The following TRDN variants were observed in gnomAD, a reference collection of about 807,000 sequenced individuals.
The protein encoded by TRDN is triadin.
Under a neutral mutation model 149.7 loss-of-function variants are expected in TRDN, and 161 were observed. The ratio of observed to expected loss-of-function variants is 1.08; its 90% CI spans 0.95 to 1.23. TRDN has a LOEUF of 1.23. Among genes scored for constraint, TRDN ranks in the 50% most tolerant of loss-of-function variants. TRDN has a pLI of 0.00. For missense variants in TRDN, 896 were observed against 823.5 expected (o/e 1.09, Z -1.08); for synonymous variants, 294 against 250.5 (o/e 1.17, Z -1.64).
intron 1 of TRDN, among the ~76,000 whole-genome samples, chr6:123,628,880 C>T (rs183745504): frequency 3.9e-5 from 6 of 152,072 alleles, no homozygotes; most frequent in Admixed American, 3.9e-4. Flanking sequence ...AAATCTACAT[C>T]TAGGATGATA....
intron 12 of TRDN, among the ~76,000 whole-genome samples, chr6:123,398,932 A>G (rs370430783): frequency 6.6e-6 from 1 of 152,210 alleles, no homozygotes; most frequent in East Asian, 1.9e-4. Flanking sequence ...TAGTTAACAT[A>G]ATTTTGCTAG....
intron 40 of TRDN, 125 bp from the exon 41 acceptor site, chr6:123,218,865 G>A (rs1351407669): frequency 3.1e-6 from 3 of 971,610 alleles, no homozygotes; most frequent in Non-Finnish European, 4.5e-6. Flanking sequence ...CTGTTGGCAA[G>A]TTACTAAACT....
intron 13 of TRDN, 123 bp downstream of exon 13, chr6:123,393,499 AAT>A: frequency 1.2e-6 from 1 of 831,646 alleles, no homozygotes; most frequent in Non-Finnish European, 1.8e-6. Flanking sequence ...TTCATTCAAC[AAT>A]ATTTTTTTTG....
At chr6:123,597,610 A>T (rs1403852382) in intron 1 of TRDN, among the ~76,000 whole-genome samples, 1 of 152,052 alleles carries the variant, frequency 6.6e-6, no homozygotes, top group Non-Finnish European at 1.5e-5. Context: ...GTCTTTTGTT[A>T]AGAAATTGCC....
At chr6:123,388,446 A>C in intron 14 of TRDN, 76 bp downstream of exon 14, 1 of 1,473,382 alleles carries the variant, frequency 6.8e-7, no homozygotes, top group Non-Finnish European at 9.3e-7. Flanking sequence ...TAGACAGAAT[A>C]GCAGTCAAAA....
At chr6:123,304,736 A>G (rs1778548441) in intron 24 of TRDN, among the ~76,000 whole-genome samples, 1 of 152,156 alleles carries the variant, frequency 6.6e-6, no homozygotes, top group African/African-American at 2.4e-5. Flanking sequence ...AATGGACCAA[A>G]TAAAATTGTA....
At chr6:123,510,642 C>CTTTTTTTT (rs145396385) in intron 7 of TRDN, among the ~76,000 whole-genome samples, 3 of 138,482 alleles carry the variant, frequency 2.2e-5, no homozygotes, top group Non-Finnish European at 3.1e-5. Flanking sequence ...TGCATGACCA[C>CTTTTTTTT]TTTTTTTTTT....
chr6:123,620,648 C>T (rs1460541886), intron 1 of TRDN, among the ~76,000 whole-genome samples: 3 of 152,106 alleles, frequency 2.0e-5, no homozygotes, highest in Non-Finnish European at 4.4e-5. Flanking sequence ...CTTTCCACCT[C>T]AGTAAAACCT....
At chr6:123,377,206 G>A (rs1781541590) in intron 18 of TRDN, among the ~76,000 whole-genome samples, 1 of 152,118 alleles carries the variant, frequency 6.6e-6, no homozygotes, top group African/African-American at 2.4e-5. Context: ...CAACTCCCCT[G>A]AGCACTCAGG....
intron 5 of TRDN, among the ~76,000 whole-genome samples, chr6:123,526,836 T>C (rs145233946): frequency 5.1e-4 from 78 of 151,976 alleles, no homozygotes; most frequent in African/African-American, 1.6e-3. Flanking sequence ...ATACTAAAGA[T>C]AGAGAAAAAA....
intron 1 of TRDN, among the ~76,000 whole-genome samples, chr6:123,573,030 C>T (rs1412544832): frequency 2.0e-5 from 3 of 152,044 alleles, no homozygotes; most frequent in Non-Finnish European, 2.9e-5. Context: ...TAAAGTGCTT[C>T]TTTCCATCAG....
intron 13 of TRDN, among the ~76,000 whole-genome samples, chr6:123,392,554 T>C (rs997241655): frequency 8.5e-5 from 13 of 152,056 alleles, no homozygotes; most frequent in African/African-American, 3.1e-4. Context: ...AAACCAAAGG[T>C]AATAATATTT....
intron 20 of TRDN, among the ~76,000 whole-genome samples, chr6:123,357,873 C>T (rs1416170671): frequency 1.3e-5 from 2 of 152,102 alleles, no homozygotes; most frequent in Admixed American, 6.6e-5. Flanking sequence ...AGGCTAGTCC[C>T]TTAAAGTGCT....
At chr6:123,447,623 A>C (rs568033291) in intron 10 of TRDN, among the ~76,000 whole-genome samples, 1 of 152,304 alleles carries the variant, frequency 6.6e-6, no homozygotes, top group Non-Finnish European at 1.5e-5. Flanking sequence ...GAACTCAGTG[A>C]AGCTATATCA....
chr6:123,428,005 T>C (rs886099061), intron 12 of TRDN, among the ~76,000 whole-genome samples: 1 of 152,172 alleles, frequency 6.6e-6, no homozygotes, highest in African/African-American at 2.4e-5. Flanking sequence ...TGTTATTCTC[T>C]AAATAAAAAT....
chr6:123,392,710 C>T (rs913257092), intron 13 of TRDN, among the ~76,000 whole-genome samples: 3 of 151,934 alleles, frequency 2.0e-5, no homozygotes, highest in East Asian at 1.9e-4. Context: ...ACAACATCCT[C>T]GAGTCAAATG....
rs182517393 is a variant in TRDN at position 123,314,551 on chromosome 6, C to A, written c.1510+1906G>T. Among the ~76,000 whole-genome samples, 371 of 152,080 alleles carry A rather than the reference C, an allele frequency of 2.4e-3. 1 individual carries two copies. The highest frequency in any genetic ancestry group is 0.01 in the Middle Eastern group (3 of 294). On this transcript the variant is annotated intron_variant, in intron 24 of 40. Transcript: ENST00000334268. ...ATAAAGACACATGCACACATATGTT[C>A]ATTGCAGCACTATCCACAATAGCAA...
intron 19 of TRDN, among the ~76,000 whole-genome samples, chr6:123,368,036 T>C (rs1429155515): frequency 6.6e-6 from 1 of 152,166 alleles, no homozygotes; most frequent in Non-Finnish European, 1.5e-5. Flanking sequence ...CTTCAGCCTC[T>C]TCTCAGAATG....
intron 11 of TRDN, among the ~76,000 whole-genome samples, 167 bp from the exon 12 acceptor site, chr6:123,438,289 A>T (rs1413626031): frequency 6.6e-6 from 1 of 151,954 alleles, no homozygotes; most frequent in Non-Finnish European, 1.5e-5. Flanking sequence ...ATAACAGACT[A>T]GTGGCTTAGG....
Sources: allele counts gnomAD v4.1 joint callset (sites outside exome capture counted in the v4.1 genomes callset), GRCh38; gene constraint gnomAD v4.1.1; transcripts MANE v1.5; gene names NCBI Gene and HGNC (gene_info 2026-07-23, HGNC 2026-07-21).